Variants in MCU observed in about 807,000 individuals in gnomAD.
MCU encodes the protein mitochondrial calcium uniporter.
Under a neutral mutation model 45.2 loss-of-function variants are expected in MCU, and 12 were observed. The ratio of observed to expected loss-of-function variants is 0.27; its 90% CI spans 0.17 to 0.43. The LOEUF (loss-of-function observed/expected upper bound fraction) is 0.43. Among genes scored for constraint, MCU ranks in the 20% least tolerant of loss-of-function variants. MCU has a pLI of 1.00. For missense variants in MCU, 324 were observed against 436.7 expected (o/e 0.74, Z 2.30); for synonymous variants, 160 against 165.1 (o/e 0.97, Z 0.24).
chr10:72,752,815 T>C (rs764296527), intron 1 of MCU, among the ~76,000 whole-genome samples: 4 of 152,204 alleles, frequency 2.6e-5, no homozygotes, highest in Non-Finnish European at 5.9e-5. Context: ...GCTTTAAATA[T>C]CCCAAACATT....
intron 1 of MCU, among the ~76,000 whole-genome samples, chr10:72,812,902 A>G (rs915131556): frequency 2.6e-5 from 4 of 152,114 alleles, no homozygotes; most frequent in Non-Finnish European, 5.9e-5. Flanking sequence ...TGACAAGTTA[A>G]TCATCTCTGT....
At chr10:72,767,669 G>A (rs1843748134) in intron 1 of MCU, among the ~76,000 whole-genome samples, 1 of 152,054 alleles carries the variant, frequency 6.6e-6, no homozygotes, top group Non-Finnish European at 1.5e-5. Context: ...TCTTGTCTCT[G>A]CGTGTTAGGT....
In MCU at chr10:72,834,412, T is replaced by TCTGATGGTGA; in HGVS notation, c.204_205insCTGATGGTGA (p.Val69LeufsTer8). 1.2e-6 allele frequency: 2 copies of TCTGATGGTGA among 1,613,762 alleles called. No homozygotes were observed. Among genetic ancestry groups the TCTGATGGTGA allele is most frequent in the Non-Finnish European group, 1.7e-6 (2 of 1,179,700 alleles). ...ATTTGGGAGCTGTTTATTGCAGCAC[T>TCTGATGGTGA]GTTGTGCCCTCTGATGGTGAGTTTC... On this transcript the variant is annotated frameshift_variant, in exon 2 of 8. Transcript: ENST00000373053.
intron 1 of MCU, among the ~76,000 whole-genome samples, chr10:72,828,207 A>G (rs1391031512): frequency 6.6e-6 from 1 of 152,184 alleles, no homozygotes; most frequent in Non-Finnish European, 1.5e-5. Context: ...TAAGCATTCC[A>G]TGTTGTGCTA....
intron 5 of MCU, among the ~76,000 whole-genome samples, chr10:72,869,263 GA>G (rs1423604684): frequency 2.6e-5 from 4 of 152,202 alleles, no homozygotes; most frequent in Non-Finnish European, 5.9e-5. Flanking sequence ...ACCTCAGAGA[GA>G]AGATATTTGC....
chr10:72,870,190 G>A (rs977522754), intron 5 of MCU, among the ~76,000 whole-genome samples: 4 of 152,112 alleles, frequency 2.6e-5, no homozygotes, highest in African/African-American at 9.7e-5. Context: ...TTAGTATTTT[G>A]CATTTTCTGA....
At chr10:72,840,855 G>A (rs1288054830) in intron 2 of MCU, among the ~76,000 whole-genome samples, 4 of 152,102 alleles carry the variant, frequency 2.6e-5, no homozygotes, top group African/African-American at 9.7e-5. Flanking sequence ...GGATGAACTT[G>A]TTTCATCACA....
At chr10:72,797,459 C>T (rs987259859) in intron 1 of MCU, among the ~76,000 whole-genome samples, 1 of 151,030 alleles carries the variant, frequency 6.6e-6, no homozygotes, top group African/African-American at 2.4e-5. Flanking sequence ...CTCCTGGCCT[C>T]AAGTGATCTG....
intron 1 of MCU, among the ~76,000 whole-genome samples, chr10:72,769,121 C>T (rs1366661634): frequency 6.6e-6 from 1 of 152,114 alleles, no homozygotes; most frequent in Non-Finnish European, 1.5e-5. Context: ...ACTGGCATTA[C>T]AGGTGTGAGC....
intron 1 of MCU, among the ~76,000 whole-genome samples, chr10:72,791,427 T>G (rs1176044298): frequency 1.3e-5 from 2 of 152,198 alleles, no homozygotes; most frequent in African/African-American, 2.4e-5. Context: ...TATACCGTAG[T>G]CCAGGGGAAG....
At chr10:72,794,534 G>A (rs745685190) in intron 1 of MCU, among the ~76,000 whole-genome samples, 1 of 152,100 alleles carries the variant, frequency 6.6e-6, no homozygotes, top group Admixed American at 6.5e-5. Context: ...CCTATTTCTT[G>A]CCTATAGAAA....
At chr10:72,862,422 A>G (rs1159047085) in intron 4 of MCU, among the ~76,000 whole-genome samples, 2 of 152,140 alleles carry the variant, frequency 1.3e-5, no homozygotes, top group Non-Finnish European at 2.9e-5. Flanking sequence ...ACCAGGGACC[A>G]GTTTTGTTAA....
intron 1 of MCU, among the ~76,000 whole-genome samples, chr10:72,706,814 C>T (rs932180582): frequency 3.4e-5 from 5 of 147,552 alleles, no homozygotes; most frequent in South Asian, 4.3e-4. Flanking sequence ...GGATTATAGA[C>T]GTAAACCACC....
intron 1 of MCU, chr10:72,692,798 C>G (rs959102532): frequency 2.8e-6 from 4 of 1,412,962 alleles, no homozygotes; most frequent in Non-Finnish European, 3.7e-6. Context: ...CCCAGGACCC[C>G]GGCGGGGCCG....
intron 1 of MCU, among the ~76,000 whole-genome samples, chr10:72,753,237 T>A (rs1843527291): frequency 6.6e-6 from 1 of 152,136 alleles, no homozygotes; most frequent in Non-Finnish European, 1.5e-5. Context: ...CTAAAATAAG[T>A]AACACCCAAA....
chr10:72,718,055 C>T (rs1447165171), intron 1 of MCU, among the ~76,000 whole-genome samples: 1 of 152,134 alleles, frequency 6.6e-6, no homozygotes, highest in Non-Finnish European at 1.5e-5. Context: ...ATACTGTATT[C>T]AGATTCCCTT....
At chr10:72,850,128 T>C (rs1362164699) in intron 2 of MCU, among the ~76,000 whole-genome samples, 4 of 152,166 alleles carry the variant, frequency 2.6e-5, no homozygotes, top group Non-Finnish European at 2.9e-5. Context: ...TTGGCCAGAC[T>C]GGTCTCGAAC....
chr10:72,830,096 C>T (rs1372153859), intron 1 of MCU, among the ~76,000 whole-genome samples: 3 of 152,052 alleles, frequency 2.0e-5, no homozygotes, highest in Admixed American at 6.5e-5. Context: ...CTTTGTGGGC[C>T]GTGTGGTCTC....
chr10:72,845,819 T>G (rs1845112321), intron 2 of MCU, among the ~76,000 whole-genome samples: 1 of 152,180 alleles, frequency 6.6e-6, no homozygotes, highest in Non-Finnish European at 1.5e-5. Flanking sequence ...TACCACTTCC[T>G]TATATATAGG....
Sources: allele counts gnomAD v4.1 joint callset (sites outside exome capture counted in the v4.1 genomes callset), GRCh38; gene constraint gnomAD v4.1.1; transcripts MANE v1.5; gene names NCBI Gene and HGNC (gene_info 2026-07-23, HGNC 2026-07-21).